The following NDUFAF6 variants were observed in gnomAD, a reference collection of about 807,000 sequenced individuals.
NDUFAF6 encodes the protein NADH dehydrogenase (ubiquinone) complex I, assembly factor 6.
In NDUFAF6, 45 loss-of-function variants were observed where a neutral mutation model predicts 40.8. The ratio of observed to expected loss-of-function variants is 1.10; its 90% CI spans 0.87 to 1.42. The LOEUF is 1.42. Among genes scored for constraint, NDUFAF6 ranks in the 40% most tolerant of loss-of-function variants. NDUFAF6 has a pLI of 0.00. For missense variants in NDUFAF6, 435 were observed against 418.5 expected, an observed-to-expected ratio of 1.04 and a Z score of -0.34; for synonymous variants, 185 against 155.9, an observed-to-expected ratio of 1.19 and a Z score of -1.39.
chr8:95,097,576 G>A (rs938862182), upstream of NDUFAF6, among the ~76,000 whole-genome samples: 1 of 152,206 alleles, frequency 6.6e-6, no homozygotes, highest in Non-Finnish European at 1.5e-5. Context: ...GCATGTGCCT[G>A]TAATCTCAGC....
intron 1 of NDUFAF6, chr8:94,939,640 T>C (rs1004832163): frequency 1.8e-6 from 1 of 565,658 alleles, no homozygotes; most frequent in Admixed American, 3.0e-5. Context: ...TTAAGTGATC[T>C]GCCTGCCTTG....
chr8:94,993,312 G>T (rs901475540), intron 2 of NDUFAF6, among the ~76,000 whole-genome samples: 1 of 152,192 alleles, frequency 6.6e-6, no homozygotes, highest in Non-Finnish European at 1.5e-5. Flanking sequence ...CAAAAGTTAG[G>T]ACTTCAACAT....
intron 1 of NDUFAF6, among the ~76,000 whole-genome samples, chr8:94,933,164 C>G (rs1304746022): frequency 6.6e-6 from 1 of 152,026 alleles, no homozygotes; most frequent in South Asian, 2.1e-4. Context: ...TGCAGTGAGC[C>G]GAGATTGCGC....
intron 1 of NDUFAF6, chr8:94,940,824 C>G: frequency 6.2e-7 from 1 of 1,604,352 alleles, no homozygotes; most frequent in Middle Eastern, 1.7e-4. Flanking sequence ...ACCAAGTGTA[C>G]CTTACCTATG....
At chr8:94,932,750 C>T (rs1156345954) in intron 1 of NDUFAF6, among the ~76,000 whole-genome samples, 1 of 152,120 alleles carries the variant, frequency 6.6e-6, no homozygotes, top group Non-Finnish European at 1.5e-5. Flanking sequence ...TTGCAGTGAG[C>T]CGAGATAGCG....
chr8:94,982,873 C>T (rs1251646986), intron 2 of NDUFAF6, among the ~76,000 whole-genome samples: 1 of 152,216 alleles, frequency 6.6e-6, no homozygotes, highest in Non-Finnish European at 1.5e-5. Context: ...TTAACTTCCA[C>T]AGGGTTGTTC....
intron 3 of NDUFAF6, chr8:95,040,765 C>T (rs1442779572): frequency 2.6e-5 from 4 of 152,228 alleles, no homozygotes; most frequent in East Asian, 1.9e-4. Context: ...CCTTGTGACA[C>T]GCTTCCGTCA....
intron 8 of NDUFAF6, among the ~76,000 whole-genome samples, 199 bp from the exon 9 acceptor site, chr8:95,057,610 G>C (rs1248786345): frequency 6.6e-6 from 1 of 152,080 alleles, no homozygotes; most frequent in African/African-American, 2.4e-5. Context: ...TACTAGCTCT[G>C]TGATACCCTT....
Position 94,940,888 on chromosome 8 carries a change from G to C in NDUFAF6, c.-935-4595G>C, listed in dbSNP as rs780591115. 1.2e-5 allele frequency: 19 copies of C among 1,613,578 alleles called. No individual in the cohort carries two copies. The highest frequency in any genetic ancestry group is 1.7e-5 in the Admixed American group (1 of 59,924). On this transcript the variant is annotated intron_variant, in intron 1 of 14. Coordinates refer to the NDUFAF6 transcript ENST00000396113. Reference sequence around the variant, plus strand: ...CTTTCTCATTGAATTCTGGTTCTTGGTTGGAGGAAGAACTGACTTCACCCA... The same window carrying C: ...CTTTCTCATTGAATTCTGGTTCTTGCTTGGAGGAAGAACTGACTTCACCCA...
intron 2 of NDUFAF6, among the ~76,000 whole-genome samples, chr8:95,083,195 G>A (rs1808933993): frequency 6.6e-6 from 1 of 152,048 alleles, no homozygotes; most frequent in African/African-American, 2.4e-5. Flanking sequence ...AAATTTTTTT[G>A]ATCCCTAACA....
At chr8:94,991,643 T>G (rs1200668087) in intron 2 of NDUFAF6, among the ~76,000 whole-genome samples, 1 of 152,244 alleles carries the variant, frequency 6.6e-6, no homozygotes, top group African/African-American at 2.4e-5. Flanking sequence ...CCAGAGATTC[T>G]TTACAGAAAT....
chr8:94,983,685 A>G (rs1316862538), intron 2 of NDUFAF6, among the ~76,000 whole-genome samples: 2 of 152,242 alleles, frequency 1.3e-5, no homozygotes, highest in Non-Finnish European at 2.9e-5. Context: ...TTTACAAATG[A>G]GAAAACTGAG....
Position 95,045,645 on chromosome 8 carries a change from TG to T in NDUFAF6, c.580+1del, listed in dbSNP as rs759128963. The T allele has an allele frequency of 1.9e-6, 3 of 1,607,778 alleles. No individual in the cohort carries two copies. The highest frequency in any genetic ancestry group is 1.7e-6 in the Non-Finnish European group (2 of 1,174,738). On this transcript the variant is annotated frameshift_variant and splice_region_variant, in exon 5 of 9. Coordinates refer to ENST00000396124, the MANE Select transcript of NDUFAF6 (RefSeq NM_152416.4). LOFTEE classifies it high-confidence loss of function. ...CTTCTTTACTTAACACTAGAAATAT[TG>T]GGTAAGTTGTTTTTCTGTTTCATAC... Reference protein sequence around the residue: ...SSLLYLTLEILGIKDLHADHA... With the variant: ...SSLLYLTLEIXGIKDLHADHA...
intron 1 of NDUFAF6, among the ~76,000 whole-genome samples, chr8:94,904,284 C>T (rs1269786699): frequency 7.1e-6 from 1 of 141,114 alleles, no homozygotes; most frequent in Non-Finnish European, 1.5e-5. Context: ...GCTGGGACTA[C>T]AGGCACCCAC....
At chr8:95,090,527 C>G (rs1024584231) in intron 2 of NDUFAF6, among the ~76,000 whole-genome samples, 2 of 152,118 alleles carry the variant, frequency 1.3e-5, no homozygotes, top group Non-Finnish European at 2.9e-5. Flanking sequence ...CCCTGCTTTT[C>G]TCCTCTGCGG....
Position 94,988,676 on chromosome 8 carries a change from A to G in NDUFAF6, c.-84+7703A>G, listed in dbSNP as rs374843635. 9.2e-5 allele frequency: 14 copies of G among 152,358 alleles called. No homozygotes were observed. The East Asian group carries it at 1.7e-3, about 19-fold the overall frequency. The allele number at this position is 152,358 out of a possible 1,614,324, so 9.4% of individuals were successfully genotyped here. On this transcript the variant is annotated intron_variant, in intron 2 of 9. Transcript: ENST00000396111. Reference sequence around the variant, plus strand: ...CATGCACTTTAAAATTATGGGACCTAGTAGATTTAATGGAATGAGCCCTGG... The same window carrying G: ...CATGCACTTTAAAATTATGGGACCTGGTAGATTTAATGGAATGAGCCCTGG...
intron 5 of NDUFAF6, 100 bp downstream of exon 5, chr8:95,045,747 C>G (rs1830671876): frequency 1.1e-6 from 1 of 895,984 alleles, no homozygotes; most frequent in South Asian, 1.4e-5. Flanking sequence ...AGCACTAAAG[C>G]CTTCCTTTAT....
intron 1 of NDUFAF6, among the ~76,000 whole-genome samples, chr8:94,962,890 A>G (rs547539635): frequency 1.9e-4 from 29 of 151,402 alleles, no homozygotes; most frequent in Middle Eastern, 3.4e-3. Flanking sequence ...TCCTGGGTTC[A>G]AGTGATTCTC....
chr8:94,976,138 G>T (rs955650207), intron 1 of NDUFAF6, among the ~76,000 whole-genome samples: 1 of 147,414 alleles, frequency 6.8e-6, no homozygotes, highest in Non-Finnish European at 1.5e-5. Context: ...GGTGGAGCTT[G>T]CAGTGAGCCG....
Sources: allele counts gnomAD v4.1 joint callset (sites outside exome capture counted in the v4.1 genomes callset), GRCh38; gene constraint gnomAD v4.1.1; transcripts MANE v1.5; gene names NCBI Gene and HGNC (gene_info 2026-07-23, HGNC 2026-07-21).